Variants in AKAP19 observed in about 807,000 individuals in gnomAD.
The protein encoded by AKAP19 is small A-kinase anchoring protein.
chr2:190,097,738 C>G, the AKAP19 span, among the ~76,000 whole-genome samples: 2 of 151,474 alleles, frequency 1.3e-5, no homozygotes, highest in East Asian at 3.9e-4. Context: ...AGGGGCAAGT[C>G]CTCACTAAGT....
the AKAP19 span, among the ~76,000 whole-genome samples, chr2:190,077,999 A>C: frequency 6.6e-6 from 1 of 152,188 alleles, no homozygotes; most frequent in Admixed American, 6.5e-5. Flanking sequence ...GTTCTTAAGG[A>C]GTTCTTTGCC....
At chr2:190,159,768 A>C in the AKAP19 span, among the ~76,000 whole-genome samples, 1 of 152,252 alleles carries the variant, frequency 6.6e-6, no homozygotes. Context: ...CTTTTGGCAT[A>C]CATGGAAGCC....
chr2:189,904,673 A>G, the AKAP19 span, among the ~76,000 whole-genome samples: 2 of 152,138 alleles, frequency 1.3e-5, no homozygotes, highest in East Asian at 3.9e-4. Context: ...ATGTTAATGA[A>G]CATCAGTCTT....
At chr2:189,946,627 C>T in the AKAP19 span, among the ~76,000 whole-genome samples, 1 of 152,032 alleles carries the variant, frequency 6.6e-6, no homozygotes, top group African/African-American at 2.4e-5. Flanking sequence ...TTTTAGTCCC[C>T]AAATTCTGAA....
At chr2:190,060,089 G>T in the AKAP19 span, 4 of 1,612,554 alleles carry the variant, frequency 2.5e-6, no homozygotes, top group Admixed American at 1.7e-5. Context: ...GTCCTGGGAA[G>T]GTTACAGCAA....
chr2:189,901,270 G>T, the AKAP19 span, among the ~76,000 whole-genome samples: 1 of 151,862 alleles, frequency 6.6e-6, no homozygotes, highest in Non-Finnish European at 1.5e-5. Context: ...TTTGCTCTTG[G>T]TGTCCTTCCT....
the AKAP19 span, among the ~76,000 whole-genome samples, chr2:189,899,192 C>A: frequency 1.2e-4 from 18 of 152,088 alleles, no homozygotes; most frequent in African/African-American, 3.4e-4. Flanking sequence ...ATTGAGAATT[C>A]TTTCTTGATT....
the AKAP19 span, among the ~76,000 whole-genome samples, chr2:190,041,551 T>C: frequency 6.6e-6 from 1 of 152,216 alleles, no homozygotes; most frequent in Non-Finnish European, 1.5e-5. Context: ...CTTTCAATAC[T>C]ATGTTGAATA....
At chr2:190,012,611 T>TAATTACTGTTAA in the AKAP19 span, among the ~76,000 whole-genome samples, 1 of 152,216 alleles carries the variant, frequency 6.6e-6, no homozygotes, top group East Asian at 1.9e-4. Context: ...ATATTTATCT[T>TAATTACTGTTAA]GCCTAATTAC....
chr2:190,050,119 A>G, the AKAP19 span, among the ~76,000 whole-genome samples: 1 of 152,218 alleles, frequency 6.6e-6, no homozygotes, highest in East Asian at 1.9e-4. Flanking sequence ...TCAGAACCAG[A>G]AGAGGTTGAG....
chr2:190,062,314 C>G, the AKAP19 span: 5 of 1,613,370 alleles, frequency 3.1e-6, no homozygotes, highest in East Asian at 1.1e-4. Flanking sequence ...CTCTGGACAT[C>G]ATACTGATCA....
At chr2:190,092,396 A>G in the AKAP19 span, among the ~76,000 whole-genome samples, 23 of 151,374 alleles carry the variant, frequency 1.5e-4, no homozygotes, top group Middle Eastern at 3.4e-3. Flanking sequence ...TCTTTTCCTT[A>G]TGTTCTATAA....
At chr2:189,964,706 T>C in the AKAP19 span, among the ~76,000 whole-genome samples, 5 of 152,228 alleles carry the variant, frequency 3.3e-5, no homozygotes. Flanking sequence ...AACCAACCTA[T>C]GTTAGTCTCA....
the AKAP19 span, among the ~76,000 whole-genome samples, chr2:190,039,016 C>CTCT: frequency 1.6e-4 from 19 of 120,498 alleles, no homozygotes; most frequent in Admixed American, 2.6e-4. Flanking sequence ...CTTCCTCTTC[C>CTCT]TCTTCCTCTT....
At chr2:190,158,795 C>T in the AKAP19 span, among the ~76,000 whole-genome samples, 1 of 152,204 alleles carries the variant, frequency 6.6e-6, no homozygotes, top group South Asian at 2.1e-4. Flanking sequence ...CAGATATGAT[C>T]ACAGGGCAGA....
chr2:190,104,805 A>C, the AKAP19 span, among the ~76,000 whole-genome samples: 40 of 152,216 alleles, frequency 2.6e-4, no homozygotes, highest in South Asian at 6.0e-3. Context: ...CAACAAAACA[A>C]AACCTATTAA....
chr2:190,069,175 T>TGTGTGTGAGA, the AKAP19 span, among the ~76,000 whole-genome samples: 81 of 123,530 alleles, frequency 6.6e-4, no homozygotes, highest in African/African-American at 2.4e-3. Flanking sequence ...TGTGTGTGTG[T>TGTGTGTGAGA]GAGAGAGAGA....
chr2:190,141,020 T>C, the AKAP19 span, among the ~76,000 whole-genome samples: 1 of 152,194 alleles, frequency 6.6e-6, no homozygotes, highest in Non-Finnish European at 1.5e-5. Context: ...CACCTGTCTC[T>C]TTGCTAAAGC....
chr2:189,940,424 C>G, the AKAP19 span, among the ~76,000 whole-genome samples: 1 of 147,334 alleles, frequency 6.8e-6, no homozygotes, highest in Non-Finnish European at 1.5e-5. Context: ...CCAGCCTGGG[C>G]AACGGGGGGG....
Sources: gnomAD v4.1 joint callset for allele counts (sites outside exome capture counted in the v4.1 genomes callset) on GRCh38, gnomAD v4.1.1 for gene constraint, MANE v1.5 for transcripts, NCBI Gene and HGNC (gene_info 2026-07-23, HGNC 2026-07-21) for gene names.